The following ENTHD1 variants were observed in gnomAD, a reference collection of about 807,000 sequenced individuals.
ENTHD1 encodes ENTH domain-containing protein 1.
ENTHD1 carries 23 observed loss-of-function variants against 39.1 expected under a neutral mutation model. The ratio of observed to expected loss-of-function variants is 0.59; its 90% CI spans 0.42 to 0.83. ENTHD1 has a LOEUF of 0.83. ENTHD1 is among the 40% of genes least tolerant of loss of function. ENTHD1 has a pLI of 0.00. For missense variants in ENTHD1, 624 were observed against 705.4 expected, an observed-to-expected ratio of 0.88 and a Z score of 1.31; for synonymous variants, 230 against 258.2, an observed-to-expected ratio of 0.89 and a Z score of 1.05.
chr22:39,826,037 G>T (rs554510274), intron 4 of ENTHD1, among the ~76,000 whole-genome samples: 6 of 152,250 alleles, frequency 3.9e-5, no homozygotes, highest in African/African-American at 1.4e-4. Context: ...CACCACGCCT[G>T]GCTAATTTTT....
Position 39,861,838 on chromosome 22 carries a change from A to G in ENTHD1, c.519T>C (p.Ser173=). The change falls in exon 3 of 7, where the codon TCT becomes TCC. Residue 173 remains serine (S), a synonymous_variant. Coordinates refer to ENST00000325157, the MANE Select transcript of ENTHD1 (RefSeq NM_152512.4). ...AAGCAGAAATATCCGGTGTGGGGGC[A>G]GAAGTGCACGCTGTCAGTGAGTTAC... ...GSSNSLTACT[S]APTPDISASE... The G allele has an allele frequency of 6.2e-7, 1 of 1,602,026 alleles. No homozygotes were observed. Among genetic ancestry groups the G allele is most frequent in the Non-Finnish European group, 8.5e-7 (1 of 1,172,092 alleles).
intron 2 of ENTHD1, chr22:39,875,509 T>C: frequency 6.2e-7 from 1 of 1,600,636 alleles, no homozygotes; most frequent in South Asian, 1.1e-5. Context: ...TCAATGTCCC[T>C]GCTTCTGTTT....
chr22:39,770,441 T>C (rs2065312298), intron 5 of ENTHD1, among the ~76,000 whole-genome samples: 1 of 152,098 alleles, frequency 6.6e-6, no homozygotes, highest in South Asian at 2.1e-4. Context: ...AACCTTATCA[T>C]ACTCTCTTAA....
intron 5 of ENTHD1, among the ~76,000 whole-genome samples, chr22:39,809,400 C>T (rs1279697319): frequency 2.0e-5 from 3 of 152,188 alleles, no homozygotes; most frequent in Admixed American, 6.5e-5. Context: ...AGGAGCACCA[C>T]TGGCAGTGGG....
chr22:39,818,650 T>G (rs961790769), intron 5 of ENTHD1, among the ~76,000 whole-genome samples: 1 of 152,188 alleles, frequency 6.6e-6, no homozygotes, highest in African/African-American at 2.4e-5. Flanking sequence ...GCTTTTAAGC[T>G]GGGAAGTGAA....
intron 2 of ENTHD1, among the ~76,000 whole-genome samples, chr22:39,869,293 T>G (rs1375851330): frequency 1.3e-5 from 2 of 152,154 alleles, no homozygotes; most frequent in African/African-American, 4.8e-5. Flanking sequence ...TAAAAAAGAA[T>G]GAAATCATGT....
chr22:39,795,560 T>G (rs866158934), intron 5 of ENTHD1, among the ~76,000 whole-genome samples: 1 of 151,778 alleles, frequency 6.6e-6, no homozygotes, highest in Non-Finnish European at 1.5e-5. Flanking sequence ...CCCAAGTAGT[T>G]GGGACCACAG....
intron 2 of ENTHD1, among the ~76,000 whole-genome samples, chr22:39,886,262 G>C (rs560042992): frequency 6.6e-6 from 1 of 152,130 alleles, no homozygotes; most frequent in Non-Finnish European, 1.5e-5. Context: ...CAAGAGGAGA[G>C]GAAAAGGATG....
At chr22:39,833,264 T>C (rs944987981) in intron 4 of ENTHD1, among the ~76,000 whole-genome samples, 1 of 152,070 alleles carries the variant, frequency 6.6e-6, no homozygotes, top group Non-Finnish European at 1.5e-5. Context: ...CTTAAGCTGA[T>C]AGGGAGCAGA....
intron 2 of ENTHD1, among the ~76,000 whole-genome samples, chr22:39,863,223 G>T (rs2066158032): frequency 2.0e-5 from 3 of 152,074 alleles, no homozygotes; most frequent in Middle Eastern, 3.2e-3. Context: ...AGGAAGGCAG[G>T]CAGGCAGGCA....
At chr22:39,852,203 C>T (rs564796739) in intron 3 of ENTHD1, among the ~76,000 whole-genome samples, 11 of 151,704 alleles carry the variant, frequency 7.3e-5, no homozygotes, top group South Asian at 6.2e-4. Context: ...CAAATTTAGC[C>T]GGTGTGGTGG....
intron 2 of ENTHD1, among the ~76,000 whole-genome samples, chr22:39,865,304 A>G (rs1601653490): frequency 6.6e-6 from 1 of 152,132 alleles, no homozygotes; most frequent in Non-Finnish European, 1.5e-5. Context: ...TTCACCAAAC[A>G]TAGGGAATAA....
At position 39,887,918 on chromosome 22, in the gene ENTHD1, C is replaced by CA; in HGVS notation, c.-155-16dup. ...GTATCAATTTCCTGCAAGGAAAGCA[C>CA]AAAAAAATTTACATTAAACTTTTTT... On this transcript the variant is annotated splice_polypyrimidine_tract_variant and intron_variant, in intron 1 of 6. Coordinates refer to ENST00000325157, the MANE Select transcript of ENTHD1 (RefSeq NM_152512.4). The CA allele has an allele frequency of 3.7e-6, 2 of 535,344 alleles. No homozygotes were observed. The highest frequency in any genetic ancestry group is 3.2e-6 in the Non-Finnish European group (1 of 316,246). The allele number at this position is 535,344 out of a possible 1,614,324, so 33.2% of individuals were successfully genotyped here. A position where few individuals can be genotyped will look rare whatever the true frequency, so the allele number is the denominator to read the frequency against.
chr22:39,796,244 G>A (rs1384881155), intron 5 of ENTHD1, among the ~76,000 whole-genome samples: 1 of 151,712 alleles, frequency 6.6e-6, no homozygotes, highest in Admixed American at 6.6e-5. Flanking sequence ...ACTAATTTTG[G>A]TATGCTCTGT....
chr22:39,755,090 T>A lies in ENTHD1; in HGVS notation c.1219+10133A>T, dbSNP rs553584571. On this transcript the variant is annotated intron_variant, in intron 6 of 6. Coordinates refer to ENST00000325157, the MANE Select transcript of ENTHD1 (RefSeq NM_152512.4). ...ACTGTGTTTGCTGCTGGGGATGCAATAAGAAACAGCAGACACGGTCTCTTC... is the reference window on the plus strand; with the variant it reads ...ACTGTGTTTGCTGCTGGGGATGCAAAAAGAAACAGCAGACACGGTCTCTTC... Among the ~76,000 whole-genome samples the A allele has an allele frequency of 1.1e-4, 17 of 152,314 alleles. No individual in the cohort carries two copies. The East Asian group carries it at 3.3e-3, about 29-fold the overall frequency.
At chr22:39,877,686 C>G (rs1170502363) in intron 2 of ENTHD1, among the ~76,000 whole-genome samples, 1 of 152,054 alleles carries the variant, frequency 6.6e-6, no homozygotes, top group Non-Finnish European at 1.5e-5. Flanking sequence ...GTGCTTCTAG[C>G]AGGGGAAGGA....
intron 2 of ENTHD1, among the ~76,000 whole-genome samples, chr22:39,862,313 G>A (rs1267771726): frequency 6.6e-6 from 1 of 152,062 alleles, no homozygotes; most frequent in East Asian, 1.9e-4. Flanking sequence ...ACTTTGGGAG[G>A]CTGAAGTGGG....
intron 5 of ENTHD1, among the ~76,000 whole-genome samples, chr22:39,792,282 T>A (rs2065510855): frequency 6.6e-6 from 1 of 152,042 alleles, no homozygotes; most frequent in South Asian, 2.1e-4. Flanking sequence ...CAATGGTAGT[T>A]CTGTTTTAGT....
chr22:39,807,888 CGT>C (rs375190088), intron 5 of ENTHD1, among the ~76,000 whole-genome samples: 1,572 of 145,676 alleles, frequency 0.011, 17 homozygotes, highest in African/African-American at 0.017. Context: ...TATATACGTA[CGT>C]GTGTGTGTGT....
Sources: allele counts gnomAD v4.1 joint callset (sites outside exome capture counted in the v4.1 genomes callset), GRCh38; gene constraint gnomAD v4.1.1; transcripts MANE v1.5; gene names NCBI Gene and HGNC (gene_info 2026-07-23, HGNC 2026-07-21).